The following B4GALT7 variants were observed in gnomAD, a reference collection of about 807,000 sequenced individuals.
B4GALT7 encodes beta-1,4-galactosyltransferase 7.
In B4GALT7, 30 loss-of-function variants were observed where a neutral mutation model predicts 33.0. The observed-to-expected ratio is 0.91, with a 90% CI of 0.68 to 1.23. B4GALT7 has a LOEUF of 1.23. Ranked by LOEUF, B4GALT7 falls within the 50% of genes most tolerant of loss-of-function variation. The pLI is 0.00. For missense variants in B4GALT7, 507 were observed against 450.8 expected (o/e 1.12, Z -1.13); for synonymous variants, 213 against 187.2 (o/e 1.14, Z -1.13).
At chr5:177,607,928 A>C in intron 3 of B4GALT7, 1 of 297,396 alleles carries the variant, frequency 3.4e-6, no homozygotes, top group Non-Finnish European at 6.5e-6. Context: ...CTGGTGGGAG[A>C]TGGGGCCCTT....
Position 177,609,948 on chromosome 5 carries a change from T to A in B4GALT7, c.*253T>A, listed in dbSNP as rs1206658746. The A allele has an allele frequency of 1.8e-6, 1 of 554,094 alleles. No individual in the cohort carries two copies. Among genetic ancestry groups the A allele is most frequent in the Non-Finnish European group, 3.3e-6 (1 of 307,418 alleles). 34.3% of individuals were successfully genotyped at this position (554,094 alleles called of 1,614,324 possible). A position where few individuals can be genotyped will look rare whatever the true frequency, so the allele number is the denominator to read the frequency against. ...GGTGTGTCCTGTCCGGGACCCCCCC[T>A]GCCTTCCTGCTCACCCTACTCTGAC... On this transcript the variant is annotated 3_prime_UTR_variant, in exon 6 of 6. Coordinates refer to ENST00000029410, the MANE Select transcript of B4GALT7 (RefSeq NM_007255.3).
chr5:177,609,621 G>A lies in B4GALT7; in HGVS notation c.910G>A (p.Gly304Arg), dbSNP rs145082497. The change falls in exon 6 of 6, where the codon GGG (glycine) becomes AGG (arginine). Residue 304 changes from glycine to arginine, a missense_variant. Gly to Arg is a moderately radical substitution (Grantham distance 125). Coordinates refer to ENST00000029410, the MANE Select transcript of B4GALT7 (RefSeq NM_007255.3). ...TTCCCGCACTGCCCTGTCTGTGGGC[G>A]GGGCCCCCTGCACTGTCCTCAACAT... is the stretch of plus-strand genomic sequence containing the variant. ...VASRTALSVG[G>R]APCTVLNIML... The A allele has an allele frequency of 6.6e-5, 106 of 1,613,846 alleles. No homozygotes were observed. The African/African-American group carries it at 1.1e-3, about 16-fold the overall frequency.
At chr5:177,605,939 T>C (rs1767991948) in intron 2 of B4GALT7, 1 of 152,642 alleles carries the variant, frequency 6.6e-6, no homozygotes, top group African/African-American at 2.4e-5. Flanking sequence ...CCAGAGGCCA[T>C]GCTGGGCCCT....
In B4GALT7 at chr5:177,608,707, G is replaced by T; in HGVS notation, c.723+85G>T. 7.4e-7 allele frequency: 1 copy of T among 1,358,654 alleles called. No homozygotes were observed. Among genetic ancestry groups the T allele is most frequent in the East Asian group, 2.3e-5 (1 of 42,622 alleles). 84.2% of individuals were successfully genotyped at this position (1,358,654 alleles called of 1,614,324 possible). On this transcript the variant is annotated intron_variant, in intron 4 of 5. Coordinates refer to ENST00000029410, the MANE Select transcript of B4GALT7 (RefSeq NM_007255.3). The surrounding 1 kb of genome is among the most constrained non-coding windows in gnomAD (Gnocchi z 4.1). ...CTGTTTCCTCAGATGAAGCTCCTGG[G>T]GTCTGGAGATGGCCCTGATTCTGAT... is the stretch of plus-strand genomic sequence containing the variant.
intron 1 of B4GALT7, among the ~76,000 whole-genome samples, chr5:177,602,433 G>A (rs1767871171): frequency 6.6e-6 from 1 of 152,156 alleles, no homozygotes; most frequent in Non-Finnish European, 1.5e-5. Flanking sequence ...CCACAGATAA[G>A]AATCTGACAC....
rs779066399 is a variant in B4GALT7 at position 177,604,514 on chromosome 5, A to C, written c.386A>C (p.Tyr129Ser). The C allele has an allele frequency of 2.5e-6, 4 of 1,613,702 alleles. No individual in the cohort carries two copies. Among genetic ancestry groups the C allele is most frequent in the Non-Finnish European group, 3.4e-6 (4 of 1,179,940 alleles). Residue 129 changes from tyrosine to serine, a missense_variant, in exon 2 of 6, where the codon TAC becomes TCC. Coordinates refer to ENST00000029410, the MANE Select transcript of B4GALT7 (RefSeq NM_007255.3). ...AGGAAGAAGATCCGGCACCACATCT[A>C]CGTGCTCAACCAGGTGGACCACTTC... Reference protein sequence around the residue: ...LSRKKIRHHIYVLNQVDHFRF... With the variant: ...LSRKKIRHHISVLNQVDHFRF...
intron 1 of B4GALT7, chr5:177,602,913 C>G (rs570299907): frequency 1.1e-6 from 1 of 879,654 alleles, no homozygotes; most frequent in Admixed American, 6.2e-5. Flanking sequence ...GATGGAGTCT[C>G]GCTCTGTTGC....
At chr5:177,604,867 A>G (rs1030077267) in intron 2 of B4GALT7, among the ~76,000 whole-genome samples, 1 of 151,980 alleles carries the variant, frequency 6.6e-6, no homozygotes, top group Non-Finnish European at 1.5e-5. Flanking sequence ...GAGGAAGCCC[A>G]GACAGGACTC....
At chr5:177,607,961 C>G (rs985419237) in intron 3 of B4GALT7, 8 of 287,920 alleles carry the variant, frequency 2.8e-5, no homozygotes, top group Non-Finnish European at 5.4e-5. Context: ...AGGCAGGAGT[C>G]CCGCAGTGAG....
rs369075265 is a variant in B4GALT7 at position 177,604,182 on chromosome 5, C to G, written c.54C>G (p.Ser18=). 1 of 1,613,408 alleles carries G rather than the reference C, an allele frequency of 6.2e-7. No individual in the cohort carries two copies. The highest frequency in any genetic ancestry group is 8.5e-7 in the Non-Finnish European group (1 of 1,179,950). ...AAQLPWEDGR[S]GLLSGGLPRK... is the part of the protein sequence containing the mutation. ...CCCTGTCCCGCGCTTGCTCCAGGTC[C>G]GGGTTGCTCTCCGGCGGCCTCCCTC... Residue 18 remains serine (S), a synonymous_variant, in exon 2 of 6, where the codon TCC becomes TCG. Coordinates refer to ENST00000029410, the MANE Select transcript of B4GALT7 (RefSeq NM_007255.3).
At chr5:177,603,130 C>G (rs1349770228) in intron 1 of B4GALT7, 1 of 823,892 alleles carries the variant, frequency 1.2e-6, no homozygotes, top group Non-Finnish European at 1.5e-6. Context: ...ATGCACCTGC[C>G]TCGGCCTCCC....
intron 2 of B4GALT7, 174 bp from the exon 3 acceptor site, chr5:177,607,128 C>T (rs537818168): frequency 1.2e-5 from 8 of 677,348 alleles, no homozygotes; most frequent in East Asian, 1.1e-4. Context: ...GTTTCTGGCA[C>T]ATAGTGGGTG....
At chr5:177,602,175 C>T (rs940103068) in intron 1 of B4GALT7, among the ~76,000 whole-genome samples, 1 of 152,128 alleles carries the variant, frequency 6.6e-6, no homozygotes, top group Non-Finnish European at 1.5e-5. Context: ...CTGAATCCAC[C>T]ACCACAGGAT....
In B4GALT7 at chr5:177,609,839, C is replaced by A; in HGVS notation, c.*144C>A. The A allele has an allele frequency of 1.7e-6, 2 of 1,163,974 alleles. No homozygotes were observed. Among genetic ancestry groups the A allele is most frequent in the Admixed American group, 2.1e-5 (1 of 48,328 alleles). 72.1% of individuals were successfully genotyped at this position (1,163,974 alleles called of 1,614,324 possible). A position where few individuals can be genotyped will look rare whatever the true frequency, so the allele number is the denominator to read the frequency against. ...AGCTACGCAATTGCAGCCACCCGGC[C>A]GCCAAGGCAGGCTTGGGCTGGGCCA... On this transcript the variant is annotated 3_prime_UTR_variant, in exon 6 of 6. Coordinates refer to ENST00000029410, the MANE Select transcript of B4GALT7 (RefSeq NM_007255.3).
In B4GALT7 at chr5:177,608,487, G is replaced by GCC. The variant is rs71585644; in HGVS notation, c.640-42_640-41dup. On this transcript the variant is annotated intron_variant, in intron 3 of 5. Transcript: ENST00000029410. This position sits in a 1 kb window ranked among gnomAD's most constrained non-coding sequence, Gnocchi z 4.1. ...ACTCCCGAGCGGTAGGAGACCAAAG[G>GCC]CCCCCCCCCCCGGGAAGATGGGCCG... 2.9e-3 allele frequency: 3,898 copies of GCC among 1,321,388 alleles called. 15 individuals carry two copies. The highest frequency in any genetic ancestry group is 0.014 in the African/African-American group (886 of 64,194). The allele number at this position is 1,321,388 out of a possible 1,614,324, so 81.9% of individuals were successfully genotyped here.
In B4GALT7 at chr5:177,604,447, G is replaced by C. The variant is rs1767927068; in HGVS notation, c.319G>C (p.Glu107Gln). ...VLVPFRERFE[E>Q]LLVFVPHMRR... ...GGTGCCCTTCCGCGAACGCTTCGAG[G>C]AGCTCCTGGTCTTCGTGCCCCACAT... The change falls in exon 2 of 6, where the codon GAG becomes CAG. Residue 107 changes from glutamate (E) to glutamine (Q), a missense_variant. Coordinates refer to ENST00000029410, the MANE Select transcript of B4GALT7 (RefSeq NM_007255.3). 6.2e-7 allele frequency: 1 copy of C among 1,613,996 alleles called. No homozygotes were observed. The highest frequency in any genetic ancestry group is 2.2e-5 in the East Asian group (1 of 44,864).
Position 177,609,657 on chromosome 5 carries a change from T to C in B4GALT7, c.946T>C (p.Cys316Arg). The change falls in exon 6 of 6, where the codon TGT (cysteine) becomes CGT (arginine). Residue 316 changes from cysteine (C) to arginine (R), a missense_variant. Cys to Arg is a radical substitution (Grantham distance 180). Coordinates refer to ENST00000029410, the MANE Select transcript of B4GALT7 (RefSeq NM_007255.3). ...CACTGTCCTCAACATCATGTTGGAC[T>C]GTGACAAGACCGCCACACCCTGGTG... Reference protein sequence around the residue: ...PCTVLNIMLDCDKTATPWCTF... With the variant: ...PCTVLNIMLDRDKTATPWCTF... 1 of 1,613,352 alleles carries C rather than the reference T, an allele frequency of 6.2e-7. No homozygotes were observed. The highest frequency in any genetic ancestry group is 8.5e-7 in the Non-Finnish European group (1 of 1,179,708).
In B4GALT7 at chr5:177,608,893, TC is replaced by T. The variant is rs759736527; in HGVS notation, c.724-15del. 2 of 1,609,666 alleles carry T rather than the reference TC, an allele frequency of 1.2e-6. No homozygotes were observed. The highest frequency in any genetic ancestry group is 1.7e-6 in the Non-Finnish European group (2 of 1,176,748). ...CAGGAAGGGCAGCCTGACCCCGACT[TC>T]CTTGGACCTCCCTAGCTTTTCCGCC... On this transcript the variant is annotated splice_polypyrimidine_tract_variant and intron_variant, in intron 4 of 5. Coordinates refer to ENST00000029410, the MANE Select transcript of B4GALT7 (RefSeq NM_007255.3). This position sits in a 1 kb window ranked among gnomAD's most constrained non-coding sequence, Gnocchi z 4.1.
Position 177,609,790 on chromosome 5 carries a change from G to T in B4GALT7, c.*95G>T. 6.7e-7 allele frequency: 1 copy of T among 1,489,914 alleles called. No homozygotes were observed. The highest frequency in any genetic ancestry group is 1.2e-5 in the South Asian group (1 of 82,310). The allele number at this position is 1,489,914 out of a possible 1,614,324, so 92.3% of individuals were successfully genotyped here. A position where few individuals can be genotyped will look rare whatever the true frequency, so the allele number is the denominator to read the frequency against. On this transcript the variant is annotated 3_prime_UTR_variant, in exon 6 of 6. Transcript: ENST00000029410. Reference sequence around the variant, plus strand: ...CGTGGGCCCAGCTCTGACAGGATGTGGAGTGGCCAGGACCAAGACAGCAAG... The same window carrying T: ...CGTGGGCCCAGCTCTGACAGGATGTTGAGTGGCCAGGACCAAGACAGCAAG...
Sources: allele counts gnomAD v4.1 joint callset (sites outside exome capture counted in the v4.1 genomes callset), GRCh38; gene constraint gnomAD v4.1.1; non-coding constraint Gnocchi (gnomAD v3.1); transcripts MANE v1.5; gene names NCBI Gene and HGNC (gene_info 2026-07-23, HGNC 2026-07-21).